The following XKR9 variants were observed in gnomAD, a reference collection of about 807,000 sequenced individuals.
XKR9 encodes the protein XK-related protein 9.
Under a neutral mutation model 32.0 loss-of-function variants are expected in XKR9, and 32 were observed. That is an observed-to-expected ratio of 1.00 (90% CI 0.76 to 1.34). XKR9 has a LOEUF of 1.34. Ranked by LOEUF, XKR9 falls within the 40% of genes most tolerant of loss-of-function variation. XKR9 has a pLI of 0.00. For missense variants in XKR9, 546 were observed against 429.7 expected (o/e 1.27, Z -2.39); for synonymous variants, 168 against 143.4 (o/e 1.17, Z -1.22).
the XKR9 span, among the ~76,000 whole-genome samples, chr8:70,867,741 C>T: frequency 6.6e-6 from 1 of 152,130 alleles, no homozygotes; most frequent in African/African-American, 2.4e-5. Flanking sequence ...CATGAGCCAC[C>T]ACAGCCAGTC....
At chr8:70,678,369 T>G (rs7829445) in intron 2 of XKR9, among the ~76,000 whole-genome samples, 11,054 of 152,316 alleles carry the variant, frequency 0.073, 474 homozygotes, top group Non-Finnish European at 0.089. Context: ...TGTGATAATT[T>G]AATACATTCA....
chr8:70,741,072 G>C (rs1806965344), intron 2 of XKR9, among the ~76,000 whole-genome samples: 1 of 152,256 alleles, frequency 6.6e-6, no homozygotes, highest in Non-Finnish European at 1.5e-5. Context: ...GCCCCCAGAG[G>C]TGGAGCCTAC....
At chr8:70,908,081 G>C in the XKR9 span, among the ~76,000 whole-genome samples, 1 of 152,016 alleles carries the variant, frequency 6.6e-6, no homozygotes, top group African/African-American at 2.4e-5. Context: ...TGTATAAATG[G>C]ATAAGGTTCA....
chr8:71,038,005 T>C, the XKR9 span, among the ~76,000 whole-genome samples: 1 of 152,212 alleles, frequency 6.6e-6, no homozygotes, highest in Non-Finnish European at 1.5e-5. Context: ...AAATTGATAT[T>C]GTCTGGCTTA....
At chr8:70,741,881 A>C (rs769189336) in intron 2 of XKR9, among the ~76,000 whole-genome samples, 1 of 152,056 alleles carries the variant, frequency 6.6e-6, no homozygotes, top group Non-Finnish European at 1.5e-5. Context: ...CTGTTTCCAT[A>C]ATGGCTGCAC....
chr8:71,024,104 G>A, the XKR9 span, among the ~76,000 whole-genome samples: 1 of 152,202 alleles, frequency 6.6e-6, no homozygotes, highest in Non-Finnish European at 1.5e-5. Flanking sequence ...GTGGTGATGA[G>A]CAAGGAAGGG....
the XKR9 span, among the ~76,000 whole-genome samples, chr8:71,005,225 C>CTTT: frequency 2.5e-3 from 326 of 130,324 alleles, 4 homozygotes; most frequent in Middle Eastern, 4.0e-3. Context: ...TTTTCTTTTT[C>CTTT]TTTTTTTTTT....
chr8:70,782,414 A>G (rs1441382386), intron 2 of XKR9, among the ~76,000 whole-genome samples: 1 of 152,128 alleles, frequency 6.6e-6, no homozygotes, highest in Admixed American at 6.5e-5. Flanking sequence ...TGATGAGAAT[A>G]TTTGAAATGT....
the XKR9 span, among the ~76,000 whole-genome samples, chr8:70,958,584 G>A: frequency 6.6e-6 from 1 of 152,098 alleles, no homozygotes. Context: ...CCTTGTAATG[G>A]TGGATATTCG....
the XKR9 span, among the ~76,000 whole-genome samples, chr8:70,916,431 T>C: frequency 3.9e-5 from 6 of 152,232 alleles, no homozygotes; most frequent in Non-Finnish European, 7.3e-5. Flanking sequence ...TATATGGATC[T>C]GTTTCTCTCT....
At chr8:70,754,043 A>G (rs1807181694) in intron 2 of XKR9, among the ~76,000 whole-genome samples, 1 of 146,740 alleles carries the variant, frequency 6.8e-6, no homozygotes, top group African/African-American at 2.4e-5. Context: ...AATCTCCTTA[A>G]GCTGATAAGC....
intron 1 of XKR9, among the ~76,000 whole-genome samples, chr8:70,670,326 G>A (rs947477737): frequency 2.0e-5 from 3 of 152,046 alleles, no homozygotes; most frequent in Non-Finnish European, 4.4e-5. Flanking sequence ...GTAACAAGTC[G>A]GTTTCTTATC....
chr8:70,850,040 A>G, the XKR9 span, among the ~76,000 whole-genome samples: 4 of 152,164 alleles, frequency 2.6e-5, no homozygotes, highest in Non-Finnish European at 5.9e-5. Context: ...TACCAGAGGT[A>G]CAAAGAGGAG....
chr8:70,688,404 A>G (rs996847489), intron 3 of XKR9, among the ~76,000 whole-genome samples: 2 of 152,052 alleles, frequency 1.3e-5, no homozygotes, highest in Non-Finnish European at 2.9e-5. Context: ...TGTATGGCAT[A>G]TGAATACACA....
Position 70,767,898 on chromosome 8 carries a change from G to A in XKR9, n.353-21441G>A, listed in dbSNP as rs55766220. Among the ~76,000 whole-genome samples, 721 of 152,094 alleles carry A rather than the reference G, an allele frequency of 4.7e-3. 3 individuals carry two copies. Among genetic ancestry groups the A allele is most frequent in the Middle Eastern group, 0.037 (11 of 294 alleles). ...CAGCTCTTGGATTCATTAATTTTTT[G>A]AAGGGTTTTTCATGTCTCTCTCTCC... is the stretch of plus-strand genomic sequence containing the variant. On this transcript the variant is annotated intron_variant and non_coding_transcript_variant, in intron 2 of 3. Transcript: ENST00000520273.
the XKR9 span, among the ~76,000 whole-genome samples, chr8:70,871,471 A>G: frequency 2.0e-5 from 3 of 152,144 alleles, no homozygotes; most frequent in African/African-American, 7.2e-5. Context: ...TTCTCATAAT[A>G]TTTCAAACTT....
chr8:71,056,128 C>T, the XKR9 span, among the ~76,000 whole-genome samples: 1 of 152,088 alleles, frequency 6.6e-6, no homozygotes, highest in African/African-American at 2.4e-5. Context: ...GGAAGTAGAG[C>T]CCCTTAGCCA....
At chr8:70,916,866 A>AC in the XKR9 span, among the ~76,000 whole-genome samples, 2 of 151,130 alleles carry the variant, frequency 1.3e-5, no homozygotes. Context: ...TCTGTGAAAA[A>AC]GCTTTTTTTT....
chr8:71,025,144 T>TAGCTAGCAAATGGCAG, the XKR9 span, among the ~76,000 whole-genome samples: 2 of 152,022 alleles, frequency 1.3e-5, no homozygotes, highest in Admixed American at 6.5e-5. Flanking sequence ...CAAAGTGGCA[T>TAGCTAGCAAATGGCAG]AGCTGCCGTA....
Sources: allele counts gnomAD v4.1 joint callset (sites outside exome capture counted in the v4.1 genomes callset), GRCh38; gene constraint gnomAD v4.1.1; transcripts MANE v1.5; gene names NCBI Gene and HGNC (gene_info 2026-07-23, HGNC 2026-07-21).